Variants in OSMR observed in about 807,000 individuals in gnomAD.
OSMR encodes the protein oncostatin M receptor.
Under a neutral mutation model 99.9 loss-of-function variants are expected in OSMR, and 81 were observed. That is an observed-to-expected ratio of 0.81 (90% CI 0.68 to 0.97). The LOEUF is 0.97. OSMR is among the 50% of genes least tolerant of loss of function. OSMR has a pLI of 0.00. For synonymous variants in OSMR, 406 were observed against 410.4 expected (o/e 0.99, Z 0.13); for missense variants, 1,099 against 1,153.4 (o/e 0.95, Z 0.68).
intron 1 of OSMR, chr5:38,942,182 G>A (rs1301490273): frequency 2.3e-5 from 12 of 520,368 alleles, no homozygotes; most frequent in Middle Eastern, 6.2e-4. Flanking sequence ...AGTAACTGCG[G>A]AACAGTGTAC....
rs1746908160 is a variant in OSMR, at chr5:38,934,106, C to A, written c.*662C>A. 6.6e-6 allele frequency: 1 copy of A among 152,662 alleles called. No individual in the cohort carries two copies. The highest frequency in any genetic ancestry group is 2.1e-4 in the South Asian group (1 of 4,826). The allele number at this position is 152,662 out of a possible 1,614,324, so 9.5% of individuals were successfully genotyped here. A position where few individuals can be genotyped will look rare whatever the true frequency, so the allele number is the denominator to read the frequency against. On this transcript the variant is annotated 3_prime_UTR_variant, in exon 18 of 18. Transcript: ENST00000274276. ...CACAATTCTTCTGTCAAGCTTACTA[C>A]AGTGAAAGAATGGGATTGGCAAGTA...
At chr5:38,938,284 GA>G (rs1408571550), downstream of OSMR, 7 of 227,360 alleles carry the variant, frequency 3.1e-5, no homozygotes, top group African/African-American at 6.7e-5. Context: ...TTAAGTCTGA[GA>G]TTTTTTTCAC....
At chr5:38,882,070 G>A (rs1406341536) in intron 4 of OSMR, among the ~76,000 whole-genome samples, 1 of 152,216 alleles carries the variant, frequency 6.6e-6, no homozygotes, top group Non-Finnish European at 1.5e-5. Flanking sequence ...GACATAAATT[G>A]TACATATGTA....
At position 38,904,394 on chromosome 5, in the gene OSMR, T is replaced by C; in HGVS notation, c.1176T>C (p.Ser392=). The C allele has an allele frequency of 6.2e-7, 1 of 1,614,110 alleles. No homozygotes were observed. Among genetic ancestry groups the C allele is most frequent in the South Asian group, 1.1e-5 (1 of 91,084 alleles). ...SIKVNGEYFL[S]ELEPATEYMA... ...AGGTGAACGGTGAGTACTTCTTAAG[T>C]GAACTGGAACCTGCCACAGAGTACA... Residue 392 remains serine, a synonymous_variant, in exon 9 of 18, where the codon AGT becomes AGC. Coordinates refer to ENST00000274276, the MANE Select transcript of OSMR (RefSeq NM_003999.3).
At chr5:38,898,950 C>CTTTTTTTTTTTTTTTTTTTT (rs58159819) in intron 7 of OSMR, among the ~76,000 whole-genome samples, 4 of 78,288 alleles carry the variant, frequency 5.1e-5, no homozygotes, top group Admixed American at 1.7e-4. Flanking sequence ...TACATAATAT[C>CTTTTTTTTTTTTTTTTTTTT]TTTTTTTTTT....
intron 2 of OSMR, among the ~76,000 whole-genome samples, chr5:38,870,990 G>C (rs1579666791): frequency 6.6e-6 from 1 of 152,292 alleles, no homozygotes; most frequent in Non-Finnish European, 1.5e-5. Context: ...TGCCTTGTAG[G>C]GAGTGTCTGG....
At chr5:38,883,782 G>T in intron 4 of OSMR, 45 bp from the exon 5 acceptor site, 1 of 1,611,532 alleles carries the variant, frequency 6.2e-7, no homozygotes, top group South Asian at 1.1e-5. Context: ...TAAGAGGCTT[G>T]AATTTTGAGT....
intron 2 of OSMR, chr5:38,944,858 CAACTAATCA>C (rs1291987375): frequency 6.6e-7 from 1 of 1,521,194 alleles, no homozygotes. Flanking sequence ...AAAACAAAAC[CAACTAATCA>C]GAACAGTTTT....
chr5:38,888,569 A>G (rs1358301143), intron 7 of OSMR, among the ~76,000 whole-genome samples: 1 of 152,230 alleles, frequency 6.6e-6, no homozygotes, highest in East Asian at 1.9e-4. Flanking sequence ...AAATTTCCTG[A>G]AAACAGTTAA....
intron 9 of OSMR, among the ~76,000 whole-genome samples, chr5:38,912,595 CAAA>C (rs1393640632): frequency 1.3e-5 from 2 of 151,876 alleles, no homozygotes; most frequent in Non-Finnish European, 2.9e-5. Flanking sequence ...GATATGGAAA[CAAA>C]AAAGAGCCTA....
intron 14 of OSMR, 55 bp downstream of exon 14, chr5:38,924,650 A>G (rs1433096451): frequency 2.2e-6 from 3 of 1,367,286 alleles, no homozygotes; most frequent in African/African-American, 1.4e-5. Flanking sequence ...ATTATTTGAA[A>G]TCATTTAAAA....
At chr5:38,904,108 C>T in intron 8 of OSMR, 84 bp downstream of exon 8, 1 of 1,574,284 alleles carries the variant, frequency 6.4e-7, no homozygotes, top group Non-Finnish European at 8.6e-7. Context: ...TCACTTTAAA[C>T]TCTTATTTCT....
At chr5:38,942,725 G>C (rs1408675397) in intron 1 of OSMR, 1 of 876,116 alleles carries the variant, frequency 1.1e-6, no homozygotes, top group Non-Finnish European at 1.8e-6. Flanking sequence ...CAAAGTGCTG[G>C]GATTGTAGGC....
chr5:38,924,335 G>A (rs1746370460), intron 13 of OSMR, 87 bp from the exon 14 acceptor site: 1 of 1,599,540 alleles, frequency 6.3e-7, no homozygotes, highest in Non-Finnish European at 8.5e-7. Context: ...CTCCAGAGCT[G>A]GCTATGGTTC....
chr5:38,875,399 T>C (rs1006037719), intron 2 of OSMR, among the ~76,000 whole-genome samples: 2 of 152,248 alleles, frequency 1.3e-5, no homozygotes, highest in Non-Finnish European at 2.9e-5. Flanking sequence ...TATATCTGCT[T>C]AAACCTCTGT....
Position 38,883,828 on chromosome 5 carries a change from A to G in OSMR, c.420A>G (p.Val140=), listed in dbSNP as rs1374377258. ...CTTGGCTATTTTTTTTTCTTGCAGT[A>G]CAAGATTCTACTGGACAGGATATAT... ...SNWSSWEEVS[V]QDSTGQDILF... is the part of the protein sequence containing the mutation. Residue 140 remains valine (V), a splice_region_variant and synonymous_variant, in exon 5 of 18, where the codon GTA becomes GTG. Coordinates refer to ENST00000274276, the MANE Select transcript of OSMR (RefSeq NM_003999.3). 2 of 1,612,530 alleles carry G rather than the reference A, an allele frequency of 1.2e-6. No homozygotes were observed. Among genetic ancestry groups the G allele is most frequent in the Admixed American group, 3.3e-5 (2 of 60,024 alleles).
rs1328316677 is a variant in OSMR at position 38,919,110 on chromosome 5, T to C, written c.1585+48T>C. 3 of 1,602,026 alleles carry C rather than the reference T, an allele frequency of 1.9e-6. No homozygotes were observed. The Admixed American group carries it at 5.2e-5, about 28-fold the overall frequency. Reference sequence around the variant, plus strand: ...TTGTTTTTATTCTCTAGGAAAATGTTGATGACGTTATTAAGTAGTGATGGA... The same window carrying C: ...TTGTTTTTATTCTCTAGGAAAATGTCGATGACGTTATTAAGTAGTGATGGA... On this transcript the variant is annotated intron_variant, in intron 11 of 17. Transcript: ENST00000274276.
rs529206313 is a variant in OSMR at position 38,848,341 on chromosome 5, C to T, written c.-14+1954C>T. Among the ~76,000 whole-genome samples the T allele has an allele frequency of 2.0e-5, 3 of 152,314 alleles. No individual in the cohort carries two copies. In the East Asian group the frequency reaches 5.8e-4, roughly 29 times the overall value. ...GAAATCCCCTCCTCCAAGCAGGCTT[C>T]TTTGTAGCTACATGAAGAGAGAATT... On this transcript the variant is annotated intron_variant, in intron 1 of 17. Transcript: ENST00000274276.
intron 7 of OSMR, among the ~76,000 whole-genome samples, chr5:38,886,952 A>G (rs1160817604): frequency 6.6e-6 from 1 of 152,194 alleles, no homozygotes; most frequent in African/African-American, 2.4e-5. Flanking sequence ...CCCACCCTGT[A>G]GATTCATATA....
Sources: gnomAD v4.1 joint callset for allele counts (sites outside exome capture counted in the v4.1 genomes callset) on GRCh38, gnomAD v4.1.1 for gene constraint, MANE v1.5 for transcripts, NCBI Gene and HGNC (gene_info 2026-07-23, HGNC 2026-07-21) for gene names.